Variants in OOSP1 observed in about 807,000 individuals in gnomAD.
OOSP1 encodes oocyte secreted protein 1.
OOSP1 carries 11 observed loss-of-function variants against 5.7 expected under a neutral mutation model. The observed-to-expected ratio is 1.94, with a 90% confidence interval of 1.22 to 3.20. The LOEUF is 3.20. Ranked by LOEUF, OOSP1 falls within the 30% of genes most tolerant of loss-of-function variation. The pLI is 0.00. For missense variants in OOSP1, 83 were observed against 54.1 expected (o/e 1.53, Z -1.67); for synonymous variants, 44 against 20.0 (o/e 2.20, Z -3.20).
chr11:59,951,311 GAGAC>G lies in OOSP1; in HGVS notation c.486+3453_486+3456del, dbSNP rs1033063748. Among the ~76,000 whole-genome samples, 16 of 151,792 alleles carry G rather than the reference GAGAC, an allele frequency of 1.1e-4. 1 individual carries two copies. The South Asian group carries it at 1.2e-3, about 12-fold the overall frequency. On this transcript the variant is annotated intron_variant, in intron 4 of 4. Coordinates refer to ENST00000646685, the Ensembl canonical transcript of OOSP1. ...CTGTCACTACCATAGACCTGAAAAA[GAGAC>G]AGATCGCTGAGCACAGTTTTCATGC...
chr11:59,956,916 T>C (rs1853998864), intron 4 of OOSP1, among the ~76,000 whole-genome samples: 2 of 138,296 alleles, frequency 1.4e-5, no homozygotes. Flanking sequence ...AGTATTCCAT[T>C]ATATATATAT....
intron 4 of OOSP1, among the ~76,000 whole-genome samples, chr11:59,952,337 G>A (rs1262982463): frequency 6.6e-6 from 1 of 152,060 alleles, no homozygotes; most frequent in Non-Finnish European, 1.5e-5. Context: ...AGACATGTAT[G>A]CTTATAGCCA....
intron 4 of OOSP1, among the ~76,000 whole-genome samples, chr11:59,949,916 A>G (rs532797462): frequency 6.6e-6 from 1 of 152,282 alleles, no homozygotes; most frequent in East Asian, 1.9e-4. Context: ...AGCTTTGTTC[A>G]TTACAGTGAT....
At chr11:59,944,183 C>T (rs1286503130) in intron 2 of OOSP1, among the ~76,000 whole-genome samples, 1 of 152,074 alleles carries the variant, frequency 6.6e-6, no homozygotes, top group Non-Finnish European at 1.5e-5. Flanking sequence ...GGTAAGACAG[C>T]CCTCAGCAGC....
intron 3 of OOSP1, among the ~76,000 whole-genome samples, chr11:59,946,172 G>A (rs1438962179): frequency 2.0e-5 from 3 of 152,116 alleles, no homozygotes; most frequent in Non-Finnish European, 4.4e-5. Flanking sequence ...GATTAGTAGT[G>A]GCATTGGATT....
intron 2 of OOSP1, among the ~76,000 whole-genome samples, chr11:59,944,723 C>CTTTT (rs966907680): frequency 6.6e-6 from 1 of 151,938 alleles, no homozygotes; most frequent in Non-Finnish European, 1.5e-5. Flanking sequence ...ATAATTATTG[C>CTTTT]TTTTTTTAGA....
intron 3 of OOSP1, among the ~76,000 whole-genome samples, chr11:59,945,738 G>A (rs554710778): frequency 4.2e-4 from 46 of 110,014 alleles, no homozygotes; most frequent in African/African-American, 1.5e-3. Context: ...GTGACAGAGC[G>A]AGACTCTGTC....
At chr11:59,943,759 T>C (rs1325209034) in intron 2 of OOSP1, among the ~76,000 whole-genome samples, 1 of 152,208 alleles carries the variant, frequency 6.6e-6, no homozygotes. Flanking sequence ...CCCTAGCCCC[T>C]ACTCACCAGA....
At chr11:59,943,959 G>A (rs1394012303) in intron 2 of OOSP1, among the ~76,000 whole-genome samples, 1 of 152,150 alleles carries the variant, frequency 6.6e-6, no homozygotes, top group African/African-American at 2.4e-5. Flanking sequence ...CACAGATTGG[G>A]TAACACAGAA....
At chr11:59,955,706 C>T (rs1269254584) in intron 4 of OOSP1, among the ~76,000 whole-genome samples, 1 of 151,968 alleles carries the variant, frequency 6.6e-6, no homozygotes, top group Non-Finnish European at 1.5e-5. Flanking sequence ...GCAGCCTCAA[C>T]ATCTCAACAG....
chr11:59,943,878 CTTAT>C (rs1197713480), intron 2 of OOSP1, among the ~76,000 whole-genome samples: 2 of 152,076 alleles, frequency 1.3e-5, no homozygotes, highest in South Asian at 2.1e-4. Flanking sequence ...TATGATATTA[CTTAT>C]TTTTTTCATT....
chr11:59,954,629 T>TTATCTATCTATCTATCTATC (rs55633618), intron 4 of OOSP1, among the ~76,000 whole-genome samples: 21 of 148,348 alleles, frequency 1.4e-4, no homozygotes, highest in South Asian at 4.3e-4. Flanking sequence ...TGAAGGGACT[T>TTATCTATCTATCTATCTATC]TATCTATCTA....
intron 1 of OOSP1, among the ~76,000 whole-genome samples, chr11:59,939,086 T>C (rs72912741): frequency 0.021 from 3,238 of 152,292 alleles, 60 homozygotes; most frequent in South Asian, 0.041. Context: ...TTGGTAGCCC[T>C]GAGTATAAAC....
chr11:59,938,975 C>T (rs561559742), intron 1 of OOSP1, among the ~76,000 whole-genome samples: 1 of 152,252 alleles, frequency 6.6e-6, no homozygotes, highest in African/African-American at 2.4e-5. Context: ...TCAGAGGGAG[C>T]AGTCAGTGCC....
chr11:59,957,192 C>A lies in OOSP1; in HGVS notation c.487-3C>A, dbSNP rs1291586295. 2.5e-6 allele frequency: 1 copy of A among 397,698 alleles called. No individual in the cohort carries two copies. Among genetic ancestry groups the A allele is most frequent in the Admixed American group, 4.4e-5 (1 of 22,682 alleles). The allele number at this position is 397,698 out of a possible 1,614,324, so 24.6% of individuals were successfully genotyped here. ...CTACTTAAAATTTATTTTGTACCCTCAGGTTTTAAAAGTGAAGGTTATTTT... is the reference window on the plus strand; with the variant it reads ...CTACTTAAAATTTATTTTGTACCCTAAGGTTTTAAAAGTGAAGGTTATTTT... On this transcript the variant is annotated splice_region_variant and splice_polypyrimidine_tract_variant and intron_variant, in intron 4 of 4. Coordinates refer to ENST00000646685, the Ensembl canonical transcript of OOSP1.
chr11:59,954,963 C>G (rs956682507), intron 4 of OOSP1, among the ~76,000 whole-genome samples: 10 of 151,168 alleles, frequency 6.6e-5, no homozygotes, highest in Non-Finnish European at 1.2e-4. Context: ...AATCAAGAAT[C>G]CTTTTGTTAG....
At chr11:59,944,287 G>T (rs1853859744) in intron 2 of OOSP1, among the ~76,000 whole-genome samples, 1 of 143,058 alleles carries the variant, frequency 7.0e-6, no homozygotes. Flanking sequence ...TAGGGGATCT[G>T]GGAAGCACAT....
chr11:59,951,199 C>G (rs1410738315), intron 4 of OOSP1, among the ~76,000 whole-genome samples: 1 of 151,528 alleles, frequency 6.6e-6, no homozygotes, highest in African/African-American at 2.4e-5. Context: ...GGTGGGGTAA[C>G]CTCGTATTGC....
At chr11:59,945,658 G>A (rs1283041591) in intron 3 of OOSP1, among the ~76,000 whole-genome samples, 1 of 146,196 alleles carries the variant, frequency 6.8e-6, no homozygotes, top group Non-Finnish European at 1.5e-5. Flanking sequence ...GCTTGAGGCA[G>A]CAGAATGGCG....
Sources: allele counts gnomAD v4.1 joint callset (sites outside exome capture counted in the v4.1 genomes callset), GRCh38; gene constraint gnomAD v4.1.1; transcripts MANE v1.5; gene names NCBI Gene and HGNC (gene_info 2026-07-23, HGNC 2026-07-21).